The following ADCY8 variants were observed in gnomAD, a reference collection of about 807,000 sequenced individuals.
The protein encoded by ADCY8 is adenylate cyclase 8.
In ADCY8, 51 loss-of-function variants were observed where a neutral mutation model predicts 119.7. That is an observed-to-expected ratio of 0.43 (90% confidence interval 0.34 to 0.54). The LOEUF (loss-of-function observed/expected upper bound fraction) is 0.54. Among genes scored for constraint, ADCY8 ranks in the 20% least tolerant of loss-of-function variants. The pLI is 0.03. For missense variants in ADCY8, 1,383 were observed against 1,598.8 expected, an observed-to-expected ratio of 0.87 and a Z score of 2.30; for synonymous variants, 665 against 651.0, an observed-to-expected ratio of 1.02 and a Z score of -0.33.
intron 2 of ADCY8, among the ~76,000 whole-genome samples, chr8:130,969,975 C>T (rs1247579617): frequency 6.6e-6 from 1 of 152,182 alleles, no homozygotes; most frequent in Admixed American, 6.5e-5. Context: ...GTTCATTTAT[C>T]TTATGTTCTG....
At chr8:131,017,138 C>A (rs184233820) in intron 1 of ADCY8, among the ~76,000 whole-genome samples, 1 of 151,388 alleles carries the variant, frequency 6.6e-6, no homozygotes, top group African/African-American at 2.4e-5. Context: ...GGCATGATCT[C>A]GGTTCACTGC....
chr8:130,908,287 C>G (rs906892483), intron 6 of ADCY8, among the ~76,000 whole-genome samples: 3 of 152,188 alleles, frequency 2.0e-5, no homozygotes, highest in African/African-American at 7.2e-5. Flanking sequence ...TTTTAAGATA[C>G]AGGCCTGGAA....
At chr8:130,957,662 T>C (rs1821471479) in intron 2 of ADCY8, among the ~76,000 whole-genome samples, 1 of 152,172 alleles carries the variant, frequency 6.6e-6, no homozygotes, top group Admixed American at 6.5e-5. Context: ...AATGGTTTAA[T>C]GGGCCAGGCC....
At chr8:130,909,382 T>C (rs1156850951) in intron 6 of ADCY8, among the ~76,000 whole-genome samples, 1 of 152,222 alleles carries the variant, frequency 6.6e-6, no homozygotes, top group African/African-American at 2.4e-5. Flanking sequence ...CTGCACAGAT[T>C]CTGCTTTAAA....
rs1050491788 is a variant in ADCY8, at chr8:130,839,493, T to A, written c.2503-3044A>T. ...CTGTGCTTTTTATACCTTGAGTGAATAGTGGGGGGTGGGACCAGGAAATGG... is the reference window on the plus strand; with the variant it reads ...CTGTGCTTTTTATACCTTGAGTGAAAAGTGGGGGGTGGGACCAGGAAATGG... On this transcript the variant is annotated intron_variant, in intron 11 of 17. Transcript: ENST00000286355. Among the ~76,000 whole-genome samples the A allele has an allele frequency of 2.1e-5, 3 of 139,590 alleles. 1 individual carries two copies. In the Admixed American group the frequency reaches 2.2e-4, roughly 10 times the overall value. The allele number at this position is 139,590 out of a possible 152,430, so 91.6% of individuals were successfully genotyped here.
chr8:130,937,048 T>A, intron 5 of ADCY8, 25 bp downstream of exon 5: 1 of 1,596,908 alleles, frequency 6.3e-7, no homozygotes, highest in Non-Finnish European at 8.6e-7. Context: ...AAGACCCAGG[T>A]AACATGATGG....
chr8:131,004,873 C>A (rs1034509637), intron 1 of ADCY8, among the ~76,000 whole-genome samples: 2 of 152,148 alleles, frequency 1.3e-5, no homozygotes, highest in African/African-American at 4.8e-5. Context: ...TGCACTTCTT[C>A]CCCCCTCAAC....
chr8:130,936,070 G>A lies in ADCY8; in HGVS notation c.1481+1003C>T, dbSNP rs868056735. Among the ~76,000 whole-genome samples the A allele has an allele frequency of 1.3e-4, 15 of 113,418 alleles. No homozygotes were observed. The Middle Eastern group carries it at 0.017, about 127-fold the overall frequency. 74.4% of individuals were successfully genotyped at this position (113,418 alleles called of 152,430 possible). ...TGAGGGTGTTAGTCACCCAAGCACT[G>A]ACATGTGTGTGTGTGTGTGTGTGTG... is the stretch of plus-strand genomic sequence containing the variant. On this transcript the variant is annotated intron_variant, in intron 5 of 17. Transcript: ENST00000286355.
At chr8:130,817,782 ATT>A (rs1345461251) in intron 13 of ADCY8, among the ~76,000 whole-genome samples, 1 of 152,176 alleles carries the variant, frequency 6.6e-6, no homozygotes, top group Non-Finnish European at 1.5e-5. Context: ...AAAATTCAGC[ATT>A]TATCTTTGCT....
chr8:130,893,898 G>A (rs1819295397), intron 7 of ADCY8, among the ~76,000 whole-genome samples: 1 of 151,980 alleles, frequency 6.6e-6, no homozygotes, highest in Admixed American at 6.6e-5. Flanking sequence ...GCATGTTTGT[G>A]TGTGTGGTTG....
At chr8:130,952,079 G>T in intron 2 of ADCY8, 81 bp from the exon 3 acceptor site, 12 of 1,542,766 alleles carry the variant, frequency 7.8e-6, no homozygotes, top group Non-Finnish European at 9.7e-6. Flanking sequence ...AGAAGTCATG[G>T]GGCTTTTGGA....
At chr8:130,821,495 A>T (rs1816507115) in intron 12 of ADCY8, 75 bp from the exon 13 acceptor site, 1 of 1,126,244 alleles carries the variant, frequency 8.9e-7, no homozygotes, top group Non-Finnish European at 1.3e-6. Flanking sequence ...AGGTTCAGAA[A>T]GGAGTGGTAT....
At chr8:131,011,714 C>T (rs1045473360) in intron 1 of ADCY8, among the ~76,000 whole-genome samples, 12 of 152,134 alleles carry the variant, frequency 7.9e-5, no homozygotes, top group East Asian at 7.7e-4. Context: ...GGTGTTGTGT[C>T]GGACAAAGGG....
chr8:130,811,608 C>G (rs999258508), intron 14 of ADCY8, among the ~76,000 whole-genome samples: 1 of 152,166 alleles, frequency 6.6e-6, no homozygotes, highest in Non-Finnish European at 1.5e-5. Context: ...GCCTTTGTAG[C>G]ATCCTCAGCA....
Position 130,991,589 on chromosome 8 carries a change from C to T in ADCY8, c.961-1047G>A, listed in dbSNP as rs118064385. ...AAGTTAATTACCTGCTAAAGTGAAA[C>T]GGAACAAAACAAAAATCACTATTTC... On this transcript the variant is annotated intron_variant, in intron 1 of 17. Transcript: ENST00000286355. 2.1e-3 allele frequency among the ~76,000 whole-genome samples: 325 copies of T among 152,224 alleles called. 3 individuals carry two copies. The highest frequency in any genetic ancestry group is 4.0e-3 in the Non-Finnish European group (271 of 67,998).
At chr8:130,927,402 T>G (rs75344171) in intron 5 of ADCY8, among the ~76,000 whole-genome samples, 3,272 of 152,274 alleles carry the variant, frequency 0.021, 74 homozygotes, top group South Asian at 0.08. Flanking sequence ...TTTTGAGAAA[T>G]GTATATTCAG....
intron 3 of ADCY8, among the ~76,000 whole-genome samples, chr8:130,945,598 A>T (rs558458946): frequency 2.2e-4 from 33 of 152,368 alleles, no homozygotes; most frequent in African/African-American, 7.7e-4. Flanking sequence ...CAGCATAGTA[A>T]ATGTTCCTTA....
At chr8:130,943,233 G>C in intron 4 of ADCY8, 118 bp downstream of exon 4, 1 of 701,334 alleles carries the variant, frequency 1.4e-6, no homozygotes, top group South Asian at 1.8e-5. Flanking sequence ...CCATGCCTAG[G>C]GACAGGATGC....
intron 7 of ADCY8, among the ~76,000 whole-genome samples, chr8:130,887,107 G>T (rs1819016828): frequency 1.3e-5 from 2 of 152,050 alleles, no homozygotes; most frequent in Middle Eastern, 6.8e-3. Context: ...AATGTGAACT[G>T]GTGAAAATGT....
Sources: allele counts gnomAD v4.1 joint callset (sites outside exome capture counted in the v4.1 genomes callset), GRCh38; gene constraint gnomAD v4.1.1; transcripts MANE v1.5; gene names NCBI Gene and HGNC (gene_info 2026-07-23, HGNC 2026-07-21).